GRIA1: variants seen among roughly 807,000 people sequenced by gnomAD.
GRIA1 encodes the protein glutamate receptor 1.
In GRIA1, 31 loss-of-function variants were observed where a neutral mutation model predicts 99.2. The ratio of observed to expected loss-of-function variants is 0.31; its 90% CI spans 0.23 to 0.42. GRIA1 has a LOEUF of 0.42. Ranked by LOEUF, GRIA1 falls within the 10% of genes least tolerant of loss-of-function variation. The probability of loss-of-function intolerance (pLI) is 1.00; values close to 1 mark genes in which losing one functional copy is unlikely to be tolerated. For synonymous variants in GRIA1, 438 were observed against 432.4 expected (o/e 1.01, Z -0.16); for missense variants, 782 against 1,157.5 (o/e 0.68, Z 4.71).
chr5:153,554,866 T>C (rs1290189505), intron 2 of GRIA1, among the ~76,000 whole-genome samples: 1 of 152,192 alleles, frequency 6.6e-6, no homozygotes, highest in Non-Finnish European at 1.5e-5. Context: ...CAGAGAAATA[T>C]GATATAAAGG....
Position 153,582,514 on chromosome 5 carries a change from G to A in GRIA1, c.221-64414G>A, listed in dbSNP as rs149898662. Among the ~76,000 whole-genome samples the A allele has an allele frequency of 7.1e-3, 1,077 of 152,280 alleles. 6 individuals carry two copies. Among genetic ancestry groups the A allele is most frequent in the Non-Finnish European group, 0.011 (719 of 68,020 alleles). On this transcript the variant is annotated intron_variant, in intron 2 of 15. Coordinates refer to ENST00000285900, the MANE Select transcript of GRIA1 (RefSeq NM_000827.4). Reference sequence around the variant, plus strand: ...AGCCTAAAAGAGGATAGATGTCTCAGCACCACCTTGAAGACCTTTCTTCTT... The same window carrying A: ...AGCCTAAAAGAGGATAGATGTCTCAACACCACCTTGAAGACCTTTCTTCTT...
At chr5:153,795,466 CT>C (rs754094542) in intron 14 of GRIA1, 6 of 1,456,946 alleles carry the variant, frequency 4.1e-6, no homozygotes, top group African/African-American at 2.8e-5. Flanking sequence ...TATTTCCCCC[CT>C]GGTTGAAGAG....
At chr5:153,674,796 A>G (rs961026747) in intron 6 of GRIA1, 135 bp downstream of exon 6, 4 of 950,114 alleles carry the variant, frequency 4.2e-6, no homozygotes, top group Non-Finnish European at 6.2e-6. Flanking sequence ...ATTTGTAAAG[A>G]TTATTAGGTA....
intron 11 of GRIA1, among the ~76,000 whole-genome samples, chr5:153,742,551 G>C (rs927078798): frequency 6.6e-6 from 1 of 152,304 alleles, no homozygotes; most frequent in East Asian, 1.9e-4. Flanking sequence ...CCTCTGGGGA[G>C]AATATGGTGT....
At chr5:153,642,110 G>T (rs73276095) in intron 2 of GRIA1, among the ~76,000 whole-genome samples, 3,283 of 152,306 alleles carry the variant, frequency 0.022, 109 homozygotes, top group African/African-American at 0.075. Context: ...TATTTCAATA[G>T]ATTCTAATGT....
intron 10 of GRIA1, among the ~76,000 whole-genome samples, chr5:153,700,692 T>C (rs1758452613): frequency 6.6e-6 from 1 of 152,144 alleles, no homozygotes; most frequent in African/African-American, 2.4e-5. Flanking sequence ...GCTTCACTCA[T>C]AGAAACTAAA....
chr5:153,772,152 G>A (rs1000411631), intron 13 of GRIA1, among the ~76,000 whole-genome samples: 20 of 151,994 alleles, frequency 1.3e-4, no homozygotes, highest in African/African-American at 4.8e-4. Flanking sequence ...TCAATTGAAA[G>A]CAGAACAATA....
In GRIA1 at chr5:153,761,537, G is replaced by A. The variant is rs148548773; in HGVS notation, c.1824-2897G>A. Among the ~76,000 whole-genome samples, 816 of 152,276 alleles carry A rather than the reference G, an allele frequency of 5.4e-3. 13 individuals carry two copies. The highest frequency in any genetic ancestry group is 0.019 in the African/African-American group (779 of 41,556). On this transcript the variant is annotated intron_variant, in intron 11 of 15. Coordinates refer to ENST00000285900, the MANE Select transcript of GRIA1 (RefSeq NM_000827.4). ...AAATAACAAATGCTAGCAAGGGTGT[G>A]AGGAAGGGGAACTCTTATATGCCGC...
chr5:153,794,534 A>G (rs1297418792), intron 13 of GRIA1, 87 bp from the exon 14 acceptor site: 1 of 868,092 alleles, frequency 1.2e-6, no homozygotes, highest in Non-Finnish European at 1.9e-6. Flanking sequence ...TGGGTAATGG[A>G]GCTGATTCAC....
chr5:153,786,875 C>A (rs77801626), intron 13 of GRIA1, among the ~76,000 whole-genome samples: 3 of 152,238 alleles, frequency 2.0e-5, no homozygotes, highest in Admixed American at 6.6e-5. Context: ...AAGTAGGATG[C>A]CCAGCAGCCT....
At position 153,490,758 on chromosome 5, in the gene GRIA1, G is replaced by A. The variant is rs1581119022; in HGVS notation, c.-131G>A. On this transcript the variant is annotated 5_prime_UTR_variant, in exon 1 of 16. Transcript: ENST00000285900. ...AGACAAACCTCACGAAAGGAAGGAAGCAAGCAAGCAAGGAAGGAACTGCAG... is the reference window on the plus strand; with the variant it reads ...AGACAAACCTCACGAAAGGAAGGAAACAAGCAAGCAAGGAAGGAACTGCAG... The A allele has an allele frequency of 7.9e-6, 6 of 759,436 alleles. No individual in the cohort carries two copies. Among genetic ancestry groups the A allele is most frequent in the Admixed American group, 3.7e-5 (2 of 54,304 alleles). 47.0% of individuals were successfully genotyped at this position (759,436 alleles called of 1,614,324 possible).
At chr5:153,593,798 A>G (rs1164769920) in intron 2 of GRIA1, among the ~76,000 whole-genome samples, 3 of 152,104 alleles carry the variant, frequency 2.0e-5, no homozygotes, top group East Asian at 3.9e-4. Flanking sequence ...TCCTGGGACC[A>G]ACACTTTTCG....
In GRIA1 at chr5:153,705,789, C is replaced by T; in HGVS notation, c.1545C>T (p.Ser515=). 6.3e-7 allele frequency: 1 copy of T among 1,597,166 alleles called. No individual in the cohort carries two copies. Among genetic ancestry groups the T allele is most frequent in the Non-Finnish European group, 8.5e-7 (1 of 1,171,114 alleles). Residue 515 remains serine, a synonymous_variant, in exon 11 of 16, where the codon TCC becomes TCT. Transcript: ENST00000285900. ...AACCATTTATGAGTTTGGGGATCTC[C>T]ATCATGATTAAAAAACCACAGAAAT... ...FSKPFMSLGI[S]IMIKKPQKSK...
At chr5:153,647,305 T>A in intron 3 of GRIA1, 138 bp downstream of exon 3, 9 of 1,084,448 alleles carry the variant, frequency 8.3e-6, no homozygotes, top group Non-Finnish European at 1.2e-5. Flanking sequence ...GAAATCTGAC[T>A]GATTTATCAG....
At chr5:153,750,406 A>G (rs750411096) in intron 11 of GRIA1, among the ~76,000 whole-genome samples, 5 of 152,194 alleles carry the variant, frequency 3.3e-5, no homozygotes, top group Non-Finnish European at 5.9e-5. Flanking sequence ...TCTTGAGCTC[A>G]GTTGAATGAA....
chr5:153,746,102 CA>C (rs1762138648), intron 11 of GRIA1, among the ~76,000 whole-genome samples: 1 of 152,132 alleles, frequency 6.6e-6, no homozygotes, highest in African/African-American at 2.4e-5. Flanking sequence ...TGGCAGGGGG[CA>C]GGGGTAGGAA....
intron 11 of GRIA1, among the ~76,000 whole-genome samples, chr5:153,752,396 A>G (rs2149590957): frequency 6.6e-6 from 1 of 152,236 alleles, no homozygotes; most frequent in Middle Eastern, 3.4e-3. Flanking sequence ...TGTTCCTTCC[A>G]TGCTACTTTC....
chr5:153,642,220 A>T (rs1224692311), intron 2 of GRIA1, among the ~76,000 whole-genome samples: 1 of 152,156 alleles, frequency 6.6e-6, no homozygotes, highest in South Asian at 2.1e-4. Context: ...TATTTCAAAC[A>T]TCCATGACAT....
At chr5:153,693,277 C>G (rs904663921) in intron 8 of GRIA1, among the ~76,000 whole-genome samples, 3 of 152,140 alleles carry the variant, frequency 2.0e-5, no homozygotes, top group Non-Finnish European at 4.4e-5. Flanking sequence ...TTGGCCAGAA[C>G]CCAGTTACTT....
Sources: gnomAD v4.1 joint callset for allele counts (sites outside exome capture counted in the v4.1 genomes callset) on GRCh38, gnomAD v4.1.1 for gene constraint, MANE v1.5 for transcripts, NCBI Gene and HGNC (gene_info 2026-07-23, HGNC 2026-07-21) for gene names.